ZEB1: variants seen among roughly 807,000 people sequenced by gnomAD.
ZEB1 encodes the protein zinc finger E-box binding homeobox 1.
Under a neutral mutation model 84.9 loss-of-function variants are expected in ZEB1, and 21 were observed. The observed-to-expected ratio is 0.25, with a 90% CI of 0.18 to 0.36. ZEB1 has a LOEUF of 0.36. ZEB1 is among the 10% of genes least tolerant of loss of function. The pLI, the probability that ZEB1 is intolerant of heterozygous loss-of-function variation, is 1.00. For missense variants in ZEB1, 1,104 were observed against 1,330.2 expected, an observed-to-expected ratio of 0.83 and a Z score of 2.65; for synonymous variants, 420 against 471.1, an observed-to-expected ratio of 0.89 and a Z score of 1.41.
At chr10:31,354,980 G>A (rs1475474781) in intron 1 of ZEB1, among the ~76,000 whole-genome samples, 3 of 152,086 alleles carry the variant, frequency 2.0e-5, no homozygotes, top group South Asian at 2.1e-4. Context: ...AATAATACAC[G>A]TGGGTGTAAT....
At chr10:31,405,721 A>T (rs161238) in intron 1 of ZEB1, among the ~76,000 whole-genome samples, 20,859 of 150,064 alleles carry the variant, frequency 0.14, 2,828 homozygotes, top group African/African-American at 0.36. Context: ...TTTTTTTTTT[A>T]AAATTTAAGT....
rs2073752165 is a variant in ZEB1 at position 31,527,717 on chromosome 10, A to G, written c.*453A>G. 6.1e-6 allele frequency: 1 copy of G among 163,066 alleles called. No homozygotes were observed. The highest frequency in any genetic ancestry group is 2.4e-5 in the African/African-American group (1 of 41,524). 10.1% of individuals were successfully genotyped at this position (163,066 alleles called of 1,614,324 possible). A position where few individuals can be genotyped will look rare whatever the true frequency, so the allele number is the denominator to read the frequency against. ...AATTTTTTATTGGTAAACATATGCTAAATCCGCTTCAGTATTTTATTATGT... is the reference window on the plus strand; with the variant it reads ...AATTTTTTATTGGTAAACATATGCTGAATCCGCTTCAGTATTTTATTATGT... On this transcript the variant is annotated 3_prime_UTR_variant, in exon 9 of 9. Coordinates refer to ENST00000424869, the MANE Select transcript of ZEB1 (RefSeq NM_001174096.2).
chr10:31,407,801 A>T (rs1044454812), intron 1 of ZEB1, among the ~76,000 whole-genome samples: 2 of 151,262 alleles, frequency 1.3e-5, no homozygotes, highest in African/African-American at 4.9e-5. Flanking sequence ...TGAATGGGCA[A>T]AAACTGGAAG....
At chr10:31,346,632 G>T (rs777822663) in intron 1 of ZEB1, among the ~76,000 whole-genome samples, 3 of 151,780 alleles carry the variant, frequency 2.0e-5, no homozygotes, top group Non-Finnish European at 4.4e-5. Flanking sequence ...GATAAGTCAA[G>T]AGCAGACCAC....
intron 1 of ZEB1, among the ~76,000 whole-genome samples, chr10:31,434,264 G>A (rs1378398633): frequency 1.3e-5 from 2 of 152,190 alleles, no homozygotes; most frequent in Non-Finnish European, 1.5e-5. Context: ...GCTGGGCACT[G>A]TGTTTATGTG....
chr10:31,473,581 C>G (rs1438547487), intron 2 of ZEB1, among the ~76,000 whole-genome samples: 1 of 150,522 alleles, frequency 6.6e-6, no homozygotes, highest in Admixed American at 6.6e-5. Flanking sequence ...AATGGAAGAA[C>G]ATTCCATGCT....
intron 1 of ZEB1, among the ~76,000 whole-genome samples, chr10:31,442,972 T>C (rs541146037): frequency 3.9e-5 from 6 of 152,184 alleles, no homozygotes; most frequent in African/African-American, 1.4e-4. Flanking sequence ...AGCTTTGAAG[T>C]ATAGAGGGAC....
chr10:31,375,939 T>C (rs1200371114), intron 1 of ZEB1, among the ~76,000 whole-genome samples: 3 of 151,708 alleles, frequency 2.0e-5, no homozygotes, highest in South Asian at 2.1e-4. Context: ...CCTGCTGATA[T>C]AAGTCACGAG....
rs190348837 is a variant in ZEB1 at position 31,443,865 on chromosome 10, A to G, written c.59-17172A>G. Among the ~76,000 whole-genome samples the G allele has an allele frequency of 1.7e-3, 253 of 151,440 alleles. 1 individual carries two copies. Among genetic ancestry groups the G allele is most frequent in the African/African-American group, 5.2e-3 (212 of 40,836 alleles). ...CTTTGCTATCGTGAATAGTGCCGCAATAAACATACGTGTGCATGTGTCTTT... is the reference window on the plus strand; with the variant it reads ...CTTTGCTATCGTGAATAGTGCCGCAGTAAACATACGTGTGCATGTGTCTTT... On this transcript the variant is annotated intron_variant, in intron 1 of 8. Coordinates refer to ENST00000424869, the MANE Select transcript of ZEB1 (RefSeq NM_001174096.2).
intron 1 of ZEB1, among the ~76,000 whole-genome samples, chr10:31,323,540 GT>G (rs1321073927): frequency 6.6e-6 from 1 of 151,920 alleles, no homozygotes; most frequent in Non-Finnish European, 1.5e-5. Context: ...CACCTTTTTA[GT>G]TAAGAATCAG....
rs533138791 is a variant in ZEB1, at chr10:31,394,391, GT to G, written c.59-66640del. ...TGACGCTCAGATTTTTTTTTCTAAA[GT>G]TTTTTATTAATGCCTAATACATATA... On this transcript the variant is annotated intron_variant, in intron 1 of 8. Coordinates refer to ENST00000424869, the MANE Select transcript of ZEB1 (RefSeq NM_001174096.2). Among the ~76,000 whole-genome samples the G allele has an allele frequency of 1.2e-4, 19 of 152,218 alleles. No individual in the cohort carries two copies. In the East Asian group the frequency reaches 3.7e-3, roughly 29 times the overall value.
At chr10:31,464,748 A>T (rs561820597) in intron 2 of ZEB1, among the ~76,000 whole-genome samples, 1 of 152,288 alleles carries the variant, frequency 6.6e-6, no homozygotes, top group African/African-American at 2.4e-5. Context: ...CAAAAGAAAA[A>T]CACTGCTGAC....
intron 8 of ZEB1, 133 bp downstream of exon 8, chr10:31,524,246 A>G (rs545541189): frequency 1.0e-6 from 1 of 986,364 alleles, no homozygotes; most frequent in Admixed American, 2.7e-5. Flanking sequence ...GTCTGGCTCT[A>G]GTCACCCAGG....
intron 1 of ZEB1, among the ~76,000 whole-genome samples, chr10:31,408,061 T>C (rs2053486558): frequency 6.6e-6 from 1 of 151,686 alleles, no homozygotes; most frequent in South Asian, 2.1e-4. Flanking sequence ...GGATACAAAA[T>C]CAATGTACAA....
intron 2 of ZEB1, among the ~76,000 whole-genome samples, chr10:31,492,329 A>C (rs1236820405): frequency 2.0e-5 from 3 of 151,890 alleles, no homozygotes; most frequent in African/African-American, 7.2e-5. Context: ...AGATTTTAAT[A>C]CTTTATTATA....
chr10:31,515,954 C>A (rs1352401936), intron 6 of ZEB1, among the ~76,000 whole-genome samples: 3 of 151,634 alleles, frequency 2.0e-5, no homozygotes, highest in Non-Finnish European at 4.4e-5. Context: ...GAAATCAGGG[C>A]AGAGGAAGGA....
chr10:31,513,434 C>A (rs1338564160), intron 5 of ZEB1, among the ~76,000 whole-genome samples: 1 of 152,188 alleles, frequency 6.6e-6, no homozygotes, highest in Non-Finnish European at 1.5e-5. Context: ...CACCTTCCAA[C>A]TGGCAATATC....
intron 1 of ZEB1, among the ~76,000 whole-genome samples, chr10:31,398,306 A>G (rs990867121): frequency 3.3e-5 from 5 of 152,058 alleles, no homozygotes; most frequent in African/African-American, 7.2e-5. Flanking sequence ...ACCATTATAT[A>G]TATTGGCTTC....
intron 2 of ZEB1, among the ~76,000 whole-genome samples, chr10:31,478,788 T>C (rs80222282): frequency 0.015 from 2,272 of 152,028 alleles, 65 homozygotes; most frequent in African/African-American, 0.052. Flanking sequence ...TTCTCACTTG[T>C]AAGTGGGAGC....
Sources: gnomAD v4.1 joint callset for allele counts (sites outside exome capture counted in the v4.1 genomes callset) on GRCh38, gnomAD v4.1.1 for gene constraint, MANE v1.5 for transcripts, NCBI Gene and HGNC (gene_info 2026-07-23, HGNC 2026-07-21) for gene names.